The following NUP43 variants were observed in gnomAD, a reference collection of about 807,000 sequenced individuals.
NUP43 encodes nucleoporin Nup43.
In NUP43, 32 loss-of-function variants were observed where a neutral mutation model predicts 47.3. The observed-to-expected ratio is 0.68, with a 90% CI of 0.51 to 0.91. The LOEUF is 0.91. Among genes scored for constraint, NUP43 ranks in the 40% least tolerant of loss-of-function variants. The pLI, the probability that NUP43 is intolerant of heterozygous loss-of-function variation, is 0.00. For synonymous variants in NUP43, 147 were observed against 158.4 expected (o/e 0.93, Z 0.54); for missense variants, 444 against 453.9 (o/e 0.98, Z 0.20).
intron 2 of NUP43, among the ~76,000 whole-genome samples, chr6:149,744,233 T>C (rs989875408): frequency 2.0e-5 from 3 of 149,846 alleles, no homozygotes; most frequent in Admixed American, 6.6e-5. Flanking sequence ...ATAAAAATTT[T>C]AAAAAAGAAA....
upstream of NUP43, among the ~76,000 whole-genome samples, chr6:149,749,148 C>CT (rs1786182031): frequency 2.0e-5 from 3 of 151,532 alleles, no homozygotes; most frequent in African/African-American, 7.3e-5. Flanking sequence ...CTCTTCCACT[C>CT]TGAGAGCTTT....
chr6:149,730,007 C>T (rs1400650442), intron 7 of NUP43, among the ~76,000 whole-genome samples: 2 of 151,424 alleles, frequency 1.3e-5, no homozygotes, highest in Non-Finnish European at 1.5e-5. Context: ...GAGGAAAGCA[C>T]GCCCTTTTTT....
In NUP43 at chr6:149,746,431, G is replaced by A. The variant is rs1305413146; in HGVS notation, c.65C>T (p.Pro22Leu). 6 of 1,614,094 alleles carry A rather than the reference G, an allele frequency of 3.7e-6. No individual in the cohort carries two copies. In the East Asian group the frequency reaches 8.9e-5, roughly 24 times the overall value. Reference protein sequence around the residue: ...KISKTRWRPLPPGSLQTAETF... With the variant: ...KISKTRWRPLLPGSLQTAETF... ...CTCCGCGGTCTGTAAACTTCCCGGA[G>A]GCAGCGGTCGCCAGCGGGTTTTGCT... Residue 22 changes from proline (P) to leucine (L), a missense_variant, in exon 1 of 8, where the codon CCT becomes CTT. Physicochemically the swap from Pro to Leu is moderately conservative, Grantham distance 98. Transcript: ENST00000340413.
chr6:149,728,073 C>T lies in NUP43; in HGVS notation c.914-875G>A, dbSNP rs192198692. 3.5e-3 allele frequency: 3,421 copies of T among 985,338 alleles called. 12 individuals are homozygous for T. The highest frequency in any genetic ancestry group is 0.011 in the Middle Eastern group (21 of 1,914). 61.0% of individuals were successfully genotyped at this position (985,338 alleles called of 1,614,324 possible). A position where few individuals can be genotyped will look rare whatever the true frequency, so the allele number is the denominator to read the frequency against. On this transcript the variant is annotated intron_variant, in intron 7 of 7. Transcript: ENST00000340413. Reference sequence around the variant, plus strand: ...TCTCTAAGAAAACTTTGAAGACAACCTCTACTTCATGTTTTTCTCTTTCCT... The same window carrying T: ...TCTCTAAGAAAACTTTGAAGACAACTTCTACTTCATGTTTTTCTCTTTCCT...
At chr6:149,738,157 GTTAAA>G (rs1376463919) in intron 5 of NUP43, among the ~76,000 whole-genome samples, 1 of 152,106 alleles carries the variant, frequency 6.6e-6, no homozygotes, top group East Asian at 1.9e-4. Flanking sequence ...ATTTCCACTT[GTTAAA>G]TTATTTAAAA....
chr6:149,731,455 C>T (rs1390362050), intron 7 of NUP43, 158 bp downstream of exon 7: 31 of 544,894 alleles, frequency 5.7e-5, no homozygotes, highest in Non-Finnish European at 5.9e-5. Flanking sequence ...CCTGGCTACT[C>T]GGGAGGCTGA....
Position 149,726,774 on chromosome 6 carries a change from A to G in NUP43, c.*195T>C. 1.7e-6 allele frequency: 1 copy of G among 579,324 alleles called. No individual in the cohort carries two copies. Among genetic ancestry groups the G allele is most frequent in the Non-Finnish European group, 3.1e-6 (1 of 324,566 alleles). 35.9% of individuals were successfully genotyped at this position (579,324 alleles called of 1,614,324 possible). On this transcript the variant is annotated 3_prime_UTR_variant, in exon 8 of 8. Coordinates refer to ENST00000340413, the MANE Select transcript of NUP43 (RefSeq NM_198887.3). Reference sequence around the variant, plus strand: ...CACATGTTCACAATCTTTTGCCATCAGTCATCTATCGGATTCTACAACTGT... The same window carrying G: ...CACATGTTCACAATCTTTTGCCATCGGTCATCTATCGGATTCTACAACTGT...
At chr6:149,741,198 G>C (rs1360318526) in intron 4 of NUP43, among the ~76,000 whole-genome samples, 1 of 152,144 alleles carries the variant, frequency 6.6e-6, no homozygotes. Context: ...TTGAGACAGA[G>C]TCTTGCTCTG....
chr6:149,746,715 T>C (rs761732547), upstream of NUP43: 1 of 1,496,082 alleles, frequency 6.7e-7, no homozygotes, highest in Non-Finnish European at 9.0e-7. Flanking sequence ...AAGAGCGCTT[T>C]GGCCTTTGAG....
At position 149,743,677 on chromosome 6, in the gene NUP43, T is replaced by C. The variant is rs1457035950; in HGVS notation, c.282A>G (p.Thr94=). The C allele has an allele frequency of 3.7e-6, 6 of 1,611,410 alleles. No individual in the cohort carries two copies. Among genetic ancestry groups the C allele is most frequent in the African/African-American group, 1.3e-5 (1 of 74,856 alleles). Residue 94 remains threonine (T), a synonymous_variant, in exon 3 of 8, where the codon ACA becomes ACG. Coordinates refer to ENST00000340413, the MANE Select transcript of NUP43 (RefSeq NM_198887.3). ...DQERIVAASS[T]GCVTVFLHHP... Reference sequence around the variant, plus strand: ...GGTGAAGGAAAACTGTTACACATCCTGTTGATGAAGCAGCGACAATTCTTT... The same window carrying C: ...GGTGAAGGAAAACTGTTACACATCCCGTTGATGAAGCAGCGACAATTCTTT...
At chr6:149,735,533 T>G (rs182556737) in intron 6 of NUP43, among the ~76,000 whole-genome samples, 94 of 133,516 alleles carry the variant, frequency 7.0e-4, no homozygotes, top group African/African-American at 2.4e-3. Flanking sequence ...AGTTCAAGGC[T>G]GCAATGAGCT....
chr6:149,738,845 C>T, intron 4 of NUP43, 67 bp from the exon 5 acceptor site: 1 of 952,942 alleles, frequency 1.0e-6, no homozygotes, highest in South Asian at 3.0e-5. Context: ...AATCTTAAAT[C>T]ACACTCCTTT....
rs1283204583 is a variant in NUP43 at position 149,727,653 on chromosome 6, T to C, written c.914-455A>G. The C allele has an allele frequency of 1.0e-5, 8 of 798,008 alleles. 1 individual carries two copies. Among genetic ancestry groups the C allele is most frequent in the East Asian group, 2.5e-4 (2 of 7,956 alleles). 49.4% of individuals were successfully genotyped at this position (798,008 alleles called of 1,614,324 possible). ...CTAGATGAACATTTCTAGAAATATATTTCTAAATATATATTTGTTACTATA... is the reference window on the plus strand; with the variant it reads ...CTAGATGAACATTTCTAGAAATATACTTCTAAATATATATTTGTTACTATA... On this transcript the variant is annotated intron_variant, in intron 7 of 7. Transcript: ENST00000340413.
At chr6:149,746,722 T>C, upstream of NUP43, 1 of 1,472,820 alleles carries the variant, frequency 6.8e-7, no homozygotes, top group Non-Finnish European at 9.1e-7. Context: ...CTTTGGCCTT[T>C]GAGCAGTAGG....
intron 1 of NUP43, 72 bp downstream of exon 1, chr6:149,746,304 C>G: frequency 6.3e-7 from 1 of 1,576,278 alleles, no homozygotes; most frequent in Non-Finnish European, 8.6e-7. Context: ...GGAGTTGGCG[C>G]GCGGAAGGCC....
Position 149,726,984 on chromosome 6 carries a change from T to A in NUP43, c.1128A>T (p.Arg376Ser). The A allele has an allele frequency of 6.2e-7, 1 of 1,612,912 alleles. No individual in the cohort carries two copies. The highest frequency in any genetic ancestry group is 1.3e-5 in the African/African-American group (1 of 75,030). ...TATAGTACTTCTACGAAAAAAGATG[T>A]CTAGTAACATAAATTGCTTCTGCAT... ...GTDAEAIYVT[R>S]HLFS Residue 376 changes from arginine to serine, a missense_variant, in exon 8 of 8, where the codon AGA becomes AGT. Physicochemically the swap from Arg to Ser is moderately radical, Grantham distance 110. Transcript: ENST00000340413.
At chr6:149,729,985 A>T (rs943102822) in intron 7 of NUP43, among the ~76,000 whole-genome samples, 7 of 151,512 alleles carry the variant, frequency 4.6e-5, no homozygotes, top group African/African-American at 1.7e-4. Context: ...ATAACCTACA[A>T]CTGACTGTAA....
At chr6:149,740,459 T>C (rs1785591315) in intron 4 of NUP43, among the ~76,000 whole-genome samples, 1 of 151,928 alleles carries the variant, frequency 6.6e-6, no homozygotes. Flanking sequence ...TGAAAGCCTG[T>C]CTCTACTAAA....
chr6:149,746,495 TG>T lies in NUP43; in HGVS notation c.-1del. 6.2e-7 allele frequency: 1 copy of T among 1,614,168 alleles called. No homozygotes were observed. On this transcript the variant is annotated 5_prime_UTR_variant, in exon 1 of 8. Coordinates refer to ENST00000340413, the MANE Select transcript of NUP43 (RefSeq NM_198887.3). ...ACAAACTTCGCATAAATTTCCTCCATGCCGAAAGCGGCCGCAGCAGGTACTG... is the reference window on the plus strand; with the variant it reads ...ACAAACTTCGCATAAATTTCCTCCATCCGAAAGCGGCCGCAGCAGGTACTG...
Sources: allele counts gnomAD v4.1 joint callset (sites outside exome capture counted in the v4.1 genomes callset), GRCh38; gene constraint gnomAD v4.1.1; transcripts MANE v1.5; gene names NCBI Gene and HGNC (gene_info 2026-07-23, HGNC 2026-07-21).